The following GFPT2 variants were observed in gnomAD, a reference collection of about 807,000 sequenced individuals.
GFPT2 encodes the protein glutamine--fructose-6-phosphate transaminase 2, also known as glutamine--fructose-6-phosphate aminotransferase [isomerizing] 2.
In GFPT2, 62 loss-of-function variants were observed where a neutral mutation model predicts 85.6. The observed-to-expected ratio is 0.72, with a 90% CI of 0.59 to 0.90. GFPT2 has a LOEUF of 0.90. Ranked by LOEUF, GFPT2 falls within the 40% of genes least tolerant of loss-of-function variation. The pLI is 0.00. For synonymous variants in GFPT2, 368 were observed against 344.5 expected (o/e 1.07, Z -0.75); for missense variants, 788 against 893.4 (o/e 0.88, Z 1.50).
intron 7 of GFPT2, among the ~76,000 whole-genome samples, chr5:180,327,895 C>T (rs1246374016): frequency 1.3e-5 from 2 of 152,050 alleles, no homozygotes; most frequent in Non-Finnish European, 2.9e-5. Context: ...CACTTTGCTC[C>T]CTAGTTTCAT....
At position 180,316,408 on chromosome 5, in the gene GFPT2, A is replaced by G. The variant is rs762924865; in HGVS notation, c.1206T>C (p.Ala402=). Residue 402 remains alanine (A), a synonymous_variant, in exon 13 of 19, where the codon GCT becomes GCC. Coordinates refer to ENST00000253778, the MANE Select transcript of GFPT2 (RefSeq NM_005110.4). ...GTGTGTTCCTGTCCAGAAAATCACT[A>G]GCAAGTTCAACCATCACAGGAAGCT... The part of the protein sequence containing the change: ...LTELPVMVEL[A]SDFLDRNTPV... 5 of 1,613,970 alleles carry G rather than the reference A, an allele frequency of 3.1e-6. No homozygotes were observed. In the South Asian group the frequency reaches 5.5e-5, roughly 18 times the overall value.
chr5:180,348,591 A>C (rs1764654598), intron 1 of GFPT2, among the ~76,000 whole-genome samples: 1 of 152,356 alleles, frequency 6.6e-6, no homozygotes, highest in Admixed American at 6.5e-5. Flanking sequence ...CAGGGTAAGA[A>C]GGGGACTTGG....
intron 4 of GFPT2, 30 bp from the exon 5 acceptor site, chr5:180,331,583 T>C (rs1406052902): frequency 6.1e-6 from 8 of 1,302,068 alleles, no homozygotes; most frequent in African/African-American, 5.8e-5. Flanking sequence ...AGAAATGCTA[T>C]TGAGAAGGAG....
At chr5:180,304,242 A>C (rs528372029) in intron 17 of GFPT2, among the ~76,000 whole-genome samples, 1 of 152,326 alleles carries the variant, frequency 6.6e-6, no homozygotes, top group Non-Finnish European at 1.5e-5. Context: ...AACTGTAATC[A>C]TATAGTCATC....
At chr5:180,317,962 G>A (rs965294448) in intron 10 of GFPT2, among the ~76,000 whole-genome samples, 3 of 151,952 alleles carry the variant, frequency 2.0e-5, no homozygotes, top group African/African-American at 7.3e-5. Context: ...CCATGCTCCC[G>A]GCCTGTCTCC....
chr5:180,313,972 C>T lies in GFPT2; in HGVS notation c.1274-8G>A. On this transcript the variant is annotated splice_polypyrimidine_tract_variant and splice_region_variant and intron_variant, in intron 13 of 18. Coordinates refer to ENST00000253778, the MANE Select transcript of GFPT2 (RefSeq NM_005110.4). ...GGGTGTCCGCGGTCTCGCCTGCCGC[C>T]CAGGGGCCCTCTCAGTGCCGCGCTC... 1 of 1,590,062 alleles carries T rather than the reference C, an allele frequency of 6.3e-7. No individual in the cohort carries two copies. Among genetic ancestry groups the T allele is most frequent in the Non-Finnish European group, 8.5e-7 (1 of 1,174,860 alleles).
At chr5:180,313,695 G>A (rs1267847036) in intron 14 of GFPT2, 112 bp downstream of exon 14, 3 of 803,274 alleles carry the variant, frequency 3.7e-6, no homozygotes, top group Non-Finnish European at 5.6e-6. Flanking sequence ...GGTGAGGCGG[G>A]AAGGGGAAAG....
At chr5:180,343,509 ATCTCATTTTCACCACGAGCCC>A (rs1444822633) in intron 1 of GFPT2, among the ~76,000 whole-genome samples, 3 of 152,180 alleles carry the variant, frequency 2.0e-5, no homozygotes, top group Admixed American at 6.5e-5. Context: ...GAAAGCATAA[ATCTCATTTTCACCACGAGCCC>A]TCTTGCGTAG....
At chr5:180,319,867 C>G (rs1216062210) in intron 9 of GFPT2, among the ~76,000 whole-genome samples, 1 of 152,200 alleles carries the variant, frequency 6.6e-6, no homozygotes, top group East Asian at 1.9e-4. Flanking sequence ...CTCAGCAAAA[C>G]CCAGACAATG....
chr5:180,334,428 G>A (rs1056558138), intron 4 of GFPT2, among the ~76,000 whole-genome samples: 24 of 152,226 alleles, frequency 1.6e-4, no homozygotes, highest in African/African-American at 5.8e-4. Context: ...CTGCCTCGGA[G>A]AACCACTGAT....
intron 1 of GFPT2, among the ~76,000 whole-genome samples, chr5:180,341,437 A>C (rs1764513232): frequency 6.6e-6 from 1 of 152,270 alleles, no homozygotes; most frequent in East Asian, 1.9e-4. Flanking sequence ...AATGAAATGA[A>C]TGTTATATTC....
chr5:180,344,634 G>T (rs1370542257), intron 1 of GFPT2, among the ~76,000 whole-genome samples: 1 of 152,188 alleles, frequency 6.6e-6, no homozygotes, highest in African/African-American at 2.4e-5. Flanking sequence ...TGACCGTGCG[G>T]CACCTGGGAC....
In GFPT2 at chr5:180,328,176, C is replaced by A. The variant is rs1233542301; in HGVS notation, c.596+101G>T. ...AGTTGTTCTTTAGACACCACGAGCA[C>A]CTTTCAGCGTGCCACAGGCCCTACC... On this transcript the variant is annotated intron_variant, in intron 7 of 18. Transcript: ENST00000253778. The surrounding 1 kb of genome is among the most constrained non-coding windows in gnomAD (Gnocchi z 5.4). 2 of 889,710 alleles carry A rather than the reference C, an allele frequency of 2.2e-6. No homozygotes were observed. Among genetic ancestry groups the A allele is most frequent in the Admixed American group, 1.8e-5 (1 of 54,920 alleles). The allele number at this position is 889,710 out of a possible 1,614,324, so 55.1% of individuals were successfully genotyped here. A position where few individuals can be genotyped will look rare whatever the true frequency, so the allele number is the denominator to read the frequency against.
Position 180,316,946 on chromosome 5 carries a change from C to T in GFPT2, c.1054+17G>A. The stretch of plus-strand genomic sequence containing the variant: ...ACTAGGCTCGGGCGGAGGCTCCCCA[C>T]CGAGTGTAGGAATTACCTGTGTTGG... On this transcript the variant is annotated intron_variant, in intron 11 of 18. Transcript: ENST00000253778. 3.8e-6 allele frequency: 6 copies of T among 1,572,368 alleles called. No homozygotes were observed. Among genetic ancestry groups the T allele is most frequent in the Non-Finnish European group, 5.3e-6 (6 of 1,141,874 alleles).
At chr5:180,317,716 G>C (rs1478671710) in intron 10 of GFPT2, among the ~76,000 whole-genome samples, 3 of 102,300 alleles carry the variant, frequency 2.9e-5, no homozygotes, top group South Asian at 7.4e-4. Flanking sequence ...CCGAGATCGC[G>C]CCACAGCACT....
intron 10 of GFPT2, among the ~76,000 whole-genome samples, chr5:180,317,380 C>G (rs955261356): frequency 6.6e-5 from 10 of 152,186 alleles, no homozygotes; most frequent in African/African-American, 2.4e-4. Flanking sequence ...TCCCAAAAAG[C>G]CATCCAGCTA....
intron 1 of GFPT2, among the ~76,000 whole-genome samples, chr5:180,342,739 A>T (rs1764542493): frequency 6.6e-6 from 1 of 152,070 alleles, no homozygotes. Context: ...GTCTGAACTT[A>T]AAAAATAGAA....
chr5:180,349,329 A>T (rs557472046), intron 1 of GFPT2, among the ~76,000 whole-genome samples: 61 of 152,204 alleles, frequency 4.0e-4, no homozygotes, highest in Non-Finnish European at 6.6e-4. Context: ...TAAAATACCT[A>T]AATAGTTTAA....
intron 1 of GFPT2, among the ~76,000 whole-genome samples, chr5:180,342,835 G>A (rs1764544388): frequency 6.6e-6 from 1 of 151,890 alleles, no homozygotes; most frequent in Non-Finnish European, 1.5e-5. Context: ...TCGGGAGGCA[G>A]AGGTTGCAGT....
Sources: gnomAD v4.1 joint callset for allele counts (sites outside exome capture counted in the v4.1 genomes callset) on GRCh38, gnomAD v4.1.1 for gene constraint, Gnocchi (gnomAD v3.1) non-coding constraint, MANE v1.5 for transcripts, NCBI Gene and HGNC (gene_info 2026-07-23, HGNC 2026-07-21) for gene names.